TACC2: variants seen among roughly 807,000 people sequenced by gnomAD.
TACC2 encodes the protein transforming acidic coiled-coil containing protein 2.
TACC2 carries 137 observed loss-of-function variants against 227.3 expected under a neutral mutation model. That is an observed-to-expected ratio of 0.60 (90% CI 0.52 to 0.69). The LOEUF (loss-of-function observed/expected upper bound fraction) is 0.69, where lower values mean the gene tolerates loss of function less well. Among genes scored for constraint, TACC2 ranks in the 30% least tolerant of loss-of-function variants. The probability of loss-of-function intolerance (pLI) is 0.00; values close to 1 mark genes in which losing one functional copy is unlikely to be tolerated. For missense variants in TACC2, 3,470 were observed against 3,694.4 expected (o/e 0.94, Z 1.57); for synonymous variants, 1,523 against 1,487.5 (o/e 1.02, Z -0.55).
At chr10:122,154,980 G>A (rs2092364926) in intron 7 of TACC2, among the ~76,000 whole-genome samples, 1 of 152,216 alleles carries the variant, frequency 6.6e-6, no homozygotes. Flanking sequence ...AAGAAGGGCA[G>A]CCCTGTGCCA....
chr10:122,110,369 T>C (rs1043624257), intron 5 of TACC2, among the ~76,000 whole-genome samples: 3 of 152,218 alleles, frequency 2.0e-5, no homozygotes, highest in African/African-American at 7.2e-5. Context: ...ACTGTAGCTC[T>C]AGGTTCACTA....
rs1794366448 is a variant in TACC2 at position 122,084,333 on chromosome 10, C to A, written c.1833C>A (p.Gly611=). The A allele has an allele frequency of 6.2e-7, 1 of 1,613,738 alleles. No individual in the cohort carries two copies. Among genetic ancestry groups the A allele is most frequent in the Non-Finnish European group, 8.5e-7 (1 of 1,180,052 alleles). Residue 611 remains glycine, a synonymous_variant, in exon 4 of 23, where the codon GGC becomes GGA. Coordinates refer to ENST00000369005, the MANE Select transcript of TACC2 (RefSeq NM_206862.4). ...AFSSKRDPEV[G]KDELSKPSSD... Reference sequence around the variant, plus strand: ...GCAGCAAGCGTGATCCAGAAGTAGGCAAAGATGAGCTTTCAAAGCCAAGCA... The same window carrying A: ...GCAGCAAGCGTGATCCAGAAGTAGGAAAAGATGAGCTTTCAAAGCCAAGCA...
At chr10:122,253,970 C>T in intron 22 of TACC2, 21 bp from the exon 23 acceptor site, 1 of 1,611,670 alleles carries the variant, frequency 6.2e-7, no homozygotes, top group Non-Finnish European at 8.5e-7. Context: ...TCAGCAACTT[C>T]TTCCTTGTCT....
intron 3 of TACC2, among the ~76,000 whole-genome samples, chr10:122,055,382 A>T (rs888117576): frequency 1.4e-4 from 22 of 152,222 alleles, no homozygotes; most frequent in African/African-American, 5.3e-4. Context: ...TGCAGCCATA[A>T]AAAAGAACGA....
At chr10:122,068,165 A>G (rs1285844680) in intron 3 of TACC2, among the ~76,000 whole-genome samples, 1 of 152,072 alleles carries the variant, frequency 6.6e-6, no homozygotes, top group African/African-American at 2.4e-5. Context: ...CATCTCTAGA[A>G]GTTTGATTTG....
chr10:122,215,498 AG>A, intron 10 of TACC2, 47 bp downstream of exon 10: 4 of 1,527,450 alleles, frequency 2.6e-6, no homozygotes, highest in Non-Finnish European at 3.6e-6. Flanking sequence ...CCCCCGGGGG[AG>A]GTTTTCTTCG....
At chr10:122,012,086 C>T (rs552460343) in intron 1 of TACC2, among the ~76,000 whole-genome samples, 5 of 152,098 alleles carry the variant, frequency 3.3e-5, no homozygotes, top group South Asian at 2.1e-4. Context: ...TACAGGCACC[C>T]GCCACCATGC....
chr10:122,181,153 C>T (rs1031023581), intron 7 of TACC2, among the ~76,000 whole-genome samples: 4 of 152,168 alleles, frequency 2.6e-5, no homozygotes, highest in African/African-American at 9.7e-5. Context: ...TGAATTAATT[C>T]AGTAAATATT....
intron 8 of TACC2, among the ~76,000 whole-genome samples, chr10:122,196,747 C>T (rs10887098): frequency 0.061 from 9,242 of 151,868 alleles, 917 homozygotes; most frequent in African/African-American, 0.21. Context: ...CCATCCTGGC[C>T]AATACGGTGA....
chr10:122,085,889 C>T lies in TACC2; in HGVS notation c.3389C>T (p.Ala1130Val). Residue 1130 changes from alanine (A) to valine (V), a missense_variant, in exon 4 of 23, where the codon GCT becomes GTT. Transcript: ENST00000369005. ...GAGCAAGGTGGTGAAGCCGGGGCTG[C>T]TGAGACTGGTGGCAGCGCTGGTGCA... ...AGEQGGEAGA[A>V]ETGGSAGAGD... is the part of the protein sequence containing the mutation. 2 of 1,613,348 alleles carry T rather than the reference C, an allele frequency of 1.2e-6. No individual in the cohort carries two copies. The highest frequency in any genetic ancestry group is 2.2e-5 in the South Asian group (2 of 90,976).
At chr10:122,009,556 C>T (rs960713603) in intron 1 of TACC2, among the ~76,000 whole-genome samples, 1 of 152,084 alleles carries the variant, frequency 6.6e-6, no homozygotes, top group Admixed American at 6.6e-5. Context: ...TGTTCTTGCT[C>T]TTGCTGGGGA....
At chr10:122,014,084 G>A (rs1956259560) in intron 1 of TACC2, among the ~76,000 whole-genome samples, 2 of 152,122 alleles carry the variant, frequency 1.3e-5, no homozygotes, top group South Asian at 4.1e-4. Flanking sequence ...TAGAAAACAT[G>A]ATGCGATTGT....
rs1424637163 is a variant in TACC2, at chr10:122,185,821, T to C, written c.5835-9219T>C. Among the ~76,000 whole-genome samples the C allele has an allele frequency of 2.0e-5, 3 of 152,232 alleles. No individual in the cohort carries two copies. In the East Asian group the frequency reaches 5.8e-4, roughly 29 times the overall value. ...GTAGGATGTTACTGTAATTCTCCTC[T>C]CTAGAGAAAATACAAGGACTTTAAT... On this transcript the variant is annotated intron_variant, in intron 7 of 22. Coordinates refer to ENST00000369005, the MANE Select transcript of TACC2 (RefSeq NM_206862.4).
chr10:122,013,743 G>T (rs575880118), intron 1 of TACC2, among the ~76,000 whole-genome samples: 17 of 152,204 alleles, frequency 1.1e-4, no homozygotes, highest in African/African-American at 3.1e-4. Flanking sequence ...ATCTGAGCTT[G>T]CTGGTCTGGT....
chr10:122,221,439 C>G (rs1370892379), intron 11 of TACC2, among the ~76,000 whole-genome samples: 1 of 152,174 alleles, frequency 6.6e-6, no homozygotes, highest in Non-Finnish European at 1.5e-5. Context: ...TTGGTGGTCA[C>G]CCAGTTGCCC....
chr10:122,187,743 C>T (rs955303598), intron 7 of TACC2, among the ~76,000 whole-genome samples: 8 of 152,232 alleles, frequency 5.3e-5, no homozygotes, highest in South Asian at 2.1e-4. Flanking sequence ...CGTCCCACCT[C>T]GGGCTTCCAA....
chr10:122,162,527 C>T (rs1028819465), intron 7 of TACC2, among the ~76,000 whole-genome samples: 2 of 152,110 alleles, frequency 1.3e-5, no homozygotes, highest in African/African-American at 2.4e-5. Context: ...GCGCAGGAAG[C>T]GGTTGTGTTG....
At chr10:122,027,467 C>G (rs1201877557) in intron 2 of TACC2, among the ~76,000 whole-genome samples, 21 of 152,036 alleles carry the variant, frequency 1.4e-4, no homozygotes, top group Admixed American at 1.4e-3. Context: ...GAATGTCCAT[C>G]TTTCTAACAA....
chr10:122,106,122 G>A (rs972958889), intron 5 of TACC2, among the ~76,000 whole-genome samples: 1 of 151,304 alleles, frequency 6.6e-6, no homozygotes, highest in African/African-American at 2.4e-5. Flanking sequence ...CCAGTGGCTG[G>A]GTTTACAGGC....
Sources: allele counts gnomAD v4.1 joint callset (sites outside exome capture counted in the v4.1 genomes callset), GRCh38; gene constraint gnomAD v4.1.1; transcripts MANE v1.5; gene names NCBI Gene and HGNC (gene_info 2026-07-23, HGNC 2026-07-21).